The following RAB40B variants were observed in gnomAD, a reference collection of about 807,000 sequenced individuals.
RAB40B encodes RAB40B, member RAS oncogene family.
A neutral mutation model predicts 24.0 loss-of-function variants in RAB40B; 21 were observed. That is an observed-to-expected ratio of 0.88 (90% CI 0.62 to 1.26). The LOEUF (loss-of-function observed/expected upper bound fraction) is 1.26, where lower values mean the gene tolerates loss of function less well. Among genes scored for constraint, RAB40B ranks in the 50% most tolerant of loss-of-function variants. The probability of loss-of-function intolerance (pLI) is 0.00; values close to 1 mark genes in which losing one functional copy is unlikely to be tolerated. For missense variants in RAB40B, 348 were observed against 390.5 expected (o/e 0.89, Z 0.92); for synonymous variants, 167 against 169.8 (o/e 0.98, Z 0.13).
intron 1 of RAB40B, among the ~76,000 whole-genome samples, chr17:82,665,059 A>T (rs946472479): frequency 1.3e-5 from 2 of 152,210 alleles, no homozygotes; most frequent in African/African-American, 4.8e-5. Context: ...GACAGACGTG[A>T]CGCTGCGTGG....
intron 1 of RAB40B, among the ~76,000 whole-genome samples, chr17:82,695,175 ATCTT>A (rs375316050): frequency 0.018 from 2,695 of 149,720 alleles, 104 homozygotes; most frequent in African/African-American, 0.054. Context: ...GAACGCCCTC[ATCTT>A]TCTTTCTTTC....
At position 82,658,582 on chromosome 17, in the gene RAB40B, C is replaced by T; in HGVS notation, c.474G>A (p.Leu158=). The T allele has an allele frequency of 6.2e-7, 1 of 1,613,494 alleles. No homozygotes were observed. The highest frequency in any genetic ancestry group is 8.5e-7 in the Non-Finnish European group (1 of 1,179,992). ...LGVTFFEVSP[L]CNFNITESFT... ...ACGACTCTGTGATGTTGAAATTGCA[C>T]AGAGGGCTGACCTCAAAGAAGGTCA... is the stretch of plus-strand genomic sequence containing the variant. The change falls in exon 5 of 6, where the codon CTG becomes CTA. Residue 158 remains leucine, a synonymous_variant. Transcript: ENST00000571995.
intron 2 of RAB40B, among the ~76,000 whole-genome samples, chr17:82,664,219 C>G (rs1219310374): frequency 5.9e-5 from 7 of 118,108 alleles, no homozygotes; most frequent in African/African-American, 2.6e-4. Context: ...GGGTGCTGGG[C>G]AGATGGTGGT....
At chr17:82,662,332 G>C (rs576567734) in intron 2 of RAB40B, 10 of 985,494 alleles carry the variant, frequency 1.0e-5, no homozygotes, top group Middle Eastern at 1.0e-3. Context: ...AGCTATGGTC[G>C]AGGAGGCAGC....
At chr17:82,681,621 T>C (rs781221549) in intron 1 of RAB40B, among the ~76,000 whole-genome samples, 1 of 152,092 alleles carries the variant, frequency 6.6e-6, no homozygotes, top group African/African-American at 2.4e-5. Context: ...TAACTTACTA[T>C]ACAATAAATT....
intron 1 of RAB40B, among the ~76,000 whole-genome samples, chr17:82,685,167 G>GT (rs1314201804): frequency 6.9e-6 from 1 of 144,674 alleles, no homozygotes; most frequent in Non-Finnish European, 1.5e-5. Flanking sequence ...TTTACTGTAA[G>GT]TAAACCATAT....
rs1218436329 is a variant in RAB40B at position 82,697,850 on chromosome 17, C to A, written c.142+605G>T. ...TCCGGCCGCTGTCGTGGGGGGTCCC[C>A]TCTTCCGCACGCGAGTCACCTGTGC... On this transcript the variant is annotated intron_variant, in intron 1 of 5. Transcript: ENST00000571995. The surrounding 1 kb of genome is among the most constrained non-coding windows in gnomAD (Gnocchi z 4.9). 6.6e-6 allele frequency among the ~76,000 whole-genome samples: 1 copy of A among 152,226 alleles called. No homozygotes were observed. Among genetic ancestry groups the A allele is most frequent in the Non-Finnish European group, 1.5e-5 (1 of 68,024 alleles).
intron 2 of RAB40B, chr17:82,661,399 G>T: frequency 2.0e-6 from 1 of 512,570 alleles, no homozygotes; most frequent in Non-Finnish European, 2.6e-6. Context: ...CACCAGGGGA[G>T]AGAGGCCGGT....
intron 1 of RAB40B, among the ~76,000 whole-genome samples, chr17:82,669,932 A>G (rs1279787339): frequency 6.6e-6 from 1 of 152,224 alleles, no homozygotes; most frequent in Admixed American, 6.5e-5. Flanking sequence ...ATCCTCAAAG[A>G]GAATTTTGGA....
chr17:82,690,071 T>C (rs564360924), intron 1 of RAB40B, among the ~76,000 whole-genome samples: 1 of 152,138 alleles, frequency 6.6e-6, no homozygotes, highest in African/African-American at 2.4e-5. Context: ...AACTTGAAAG[T>C]GATGACTTTA....
At chr17:82,670,074 A>G (rs1169113507) in intron 1 of RAB40B, among the ~76,000 whole-genome samples, 1 of 151,618 alleles carries the variant, frequency 6.6e-6, no homozygotes, top group Non-Finnish European at 1.5e-5. Context: ...CCACGGGCTG[A>G]GAGGCTCATA....
chr17:82,659,428 T>G (rs2046132612), intron 4 of RAB40B, 152 bp downstream of exon 4: 3 of 667,872 alleles, frequency 4.5e-6, no homozygotes, highest in Non-Finnish European at 7.9e-6. Context: ...TGTGCCGAGG[T>G]GAGGCACCCT....
intron 1 of RAB40B, among the ~76,000 whole-genome samples, chr17:82,669,204 G>A (rs956266234): frequency 9.9e-5 from 15 of 152,140 alleles, no homozygotes; most frequent in Admixed American, 9.2e-4. Flanking sequence ...GCCTGGGCGC[G>A]GTGGCTCACG....
chr17:82,698,311 C>A, intron 1 of RAB40B, 144 bp downstream of exon 1: 7 of 810,840 alleles, frequency 8.6e-6, no homozygotes, highest in Non-Finnish European at 1.1e-5. Context: ...TCCTACCCTC[C>A]CCGGCCACGC....
At chr17:82,659,489 CCAT>C in intron 4 of RAB40B, 88 bp downstream of exon 4, 7 of 1,301,010 alleles carry the variant, frequency 5.4e-6, no homozygotes, top group Non-Finnish European at 7.7e-6. Flanking sequence ...CCATGGGTAC[CCAT>C]GAGCCCTGGA....
Position 82,655,718 on chromosome 17 carries a change from C to G in RAB40B, c.*2145G>C, listed in dbSNP as rs545765797. 1 of 152,262 alleles carries G rather than the reference C, an allele frequency of 6.6e-6. No homozygotes were observed. Among genetic ancestry groups the G allele is most frequent in the Non-Finnish European group, 1.5e-5 (1 of 68,072 alleles). 9.4% of individuals were successfully genotyped at this position (152,262 alleles called of 1,614,324 possible). ...CACAGGTCTTTGCAGCGTGCCTGCA[C>G]GAGGCTGGCCACCCTCTCCAGACAC... On this transcript the variant is annotated 3_prime_UTR_variant, in exon 6 of 6. Coordinates refer to ENST00000571995, the MANE Select transcript of RAB40B (RefSeq NM_006822.3).
At chr17:82,674,428 G>C (rs1187837006) in intron 1 of RAB40B, among the ~76,000 whole-genome samples, 2 of 148,394 alleles carry the variant, frequency 1.3e-5, no homozygotes, top group Non-Finnish European at 3.0e-5. Context: ...TCAGGAGTTC[G>C]AGACCATCCT....
Position 82,655,310 on chromosome 17 carries a change from T to G in RAB40B, c.*2553A>C, listed in dbSNP as rs1379196677. 6.6e-6 allele frequency: 1 copy of G among 152,186 alleles called. No individual in the cohort carries two copies. The highest frequency in any genetic ancestry group is 1.5e-5 in the Non-Finnish European group (1 of 68,038). 9.4% of individuals were successfully genotyped at this position (152,186 alleles called of 1,614,324 possible). On this transcript the variant is annotated 3_prime_UTR_variant, in exon 6 of 6. Coordinates refer to ENST00000571995, the MANE Select transcript of RAB40B (RefSeq NM_006822.3). ...CCGCTTCTGGGGACTTCTGGTGGTGTTTCCCTGGAGGGCCAAGGCCTCCGG... is the reference window on the plus strand; with the variant it reads ...CCGCTTCTGGGGACTTCTGGTGGTGGTTCCCTGGAGGGCCAAGGCCTCCGG...
Position 82,692,908 on chromosome 17 carries a change from A to T in RAB40B, c.142+5547T>A, listed in dbSNP as rs2046572888. Among the ~76,000 whole-genome samples the T allele has an allele frequency of 6.6e-6, 1 of 152,242 alleles. No individual in the cohort carries two copies. The highest frequency in any genetic ancestry group is 1.5e-5 in the Non-Finnish European group (1 of 68,048). Reference sequence around the variant, plus strand: ...GACAAAGGACTCACAGCCAGAATCTATATTTTAAACACTCCTAGCAAGCAT... The same window carrying T: ...GACAAAGGACTCACAGCCAGAATCTTTATTTTAAACACTCCTAGCAAGCAT... On this transcript the variant is annotated intron_variant, in intron 1 of 5. Coordinates refer to ENST00000571995, the MANE Select transcript of RAB40B (RefSeq NM_006822.3). The surrounding 1 kb of genome is among the most constrained non-coding windows in gnomAD (Gnocchi z 4.0).
Sources: allele counts gnomAD v4.1 joint callset (sites outside exome capture counted in the v4.1 genomes callset), GRCh38; gene constraint gnomAD v4.1.1; non-coding constraint Gnocchi (gnomAD v3.1); transcripts MANE v1.5; gene names NCBI Gene and HGNC (gene_info 2026-07-23, HGNC 2026-07-21).